TJP1: variants seen among roughly 807,000 people sequenced by gnomAD.
TJP1 encodes the protein tight junction protein 1.
In TJP1, 43 loss-of-function variants were observed where a neutral mutation model predicts 194.2. The ratio of observed to expected loss-of-function variants is 0.22; its 90% CI spans 0.17 to 0.29. The LOEUF is 0.29. TJP1 is among the 10% of genes least tolerant of loss of function. The pLI is 1.00. For synonymous variants in TJP1, 801 were observed against 779.0 expected, an observed-to-expected ratio of 1.03 and a Z score of -0.47; for missense variants, 1,971 against 2,185.7, an observed-to-expected ratio of 0.90 and a Z score of 1.96.
intron 25 of TJP1, among the ~76,000 whole-genome samples, chr15:29,706,652 C>T (rs534548325): frequency 1.4e-4 from 22 of 152,052 alleles, no homozygotes; most frequent in African/African-American, 5.1e-4. Context: ...AATTGGTAGC[C>T]CTGTTCTTCC....
rs919284817 is a variant in TJP1 at position 29,719,260 on chromosome 15, T to C, written c.3004-122A>G. The C allele has an allele frequency of 2.4e-5, 28 of 1,190,448 alleles. 1 individual carries two copies. The Admixed American group carries it at 7.4e-4, about 32-fold the overall frequency. 73.7% of individuals were successfully genotyped at this position (1,190,448 alleles called of 1,614,324 possible). On this transcript the variant is annotated intron_variant, in intron 20 of 27. Coordinates refer to ENST00000614355, the MANE Select transcript of TJP1 (RefSeq NM_001330239.4). ...TGAAAATGGTATGTTTTACCATTTA[T>C]TATCAGGATAGACAAGATTAGTGGA...
chr15:29,793,180 T>C (rs2048201648), intron 2 of TJP1, among the ~76,000 whole-genome samples: 1 of 152,230 alleles, frequency 6.6e-6, no homozygotes, highest in Non-Finnish European at 1.5e-5. Flanking sequence ...TTCCTTGCCT[T>C]CTTCCAGATC....
At chr15:29,798,847 G>A (rs2048588331) in intron 2 of TJP1, among the ~76,000 whole-genome samples, 1 of 152,130 alleles carries the variant, frequency 6.6e-6, no homozygotes, top group Non-Finnish European at 1.5e-5. Flanking sequence ...TACTGATAGA[G>A]TAACATCATG....
At chr15:29,823,107 C>T (rs1421484804), upstream of TJP1, 1 of 152,290 alleles carries the variant, frequency 6.6e-6, no homozygotes, top group Admixed American at 6.5e-5. Context: ...GGCCCACACC[C>T]CACATTAGAC....
Position 29,766,465 on chromosome 15 carries a change from A to G in TJP1, c.390T>C (p.Asp130=). 6.2e-7 allele frequency: 1 copy of G among 1,613,256 alleles called. No homozygotes were observed. Among genetic ancestry groups the G allele is most frequent in the Non-Finnish European group, 8.5e-7 (1 of 1,179,560 alleles). Residue 130 remains aspartate (D), a synonymous_variant, in exon 5 of 28, where the codon GAT becomes GAC. Transcript: ENST00000614355. ...GATCATGTATTTCCTCATCATAACT[A>G]TCTTCTTCATTATCAGATACTGGTT... ...DPEPVSDNEE[D]SYDEEIHDPR...
rs2042082038 is a variant in TJP1 at position 29,709,051 on chromosome 15, TA to T, written c.4373-16del. On this transcript the variant is annotated splice_polypyrimidine_tract_variant and intron_variant, in intron 24 of 27. Coordinates refer to ENST00000614355, the MANE Select transcript of TJP1 (RefSeq NM_001330239.4). ...CACTGAATTACCTGAAAAACAAACG[TA>T]AGCATTTAAATAACTTTCTGAAAAA... 2 of 1,593,542 alleles carry T rather than the reference TA, an allele frequency of 1.3e-6. No homozygotes were observed. Among genetic ancestry groups the T allele is most frequent in the East Asian group, 4.5e-5 (2 of 44,628 alleles).
chr15:29,932,099 GTC>G (rs1161793345), intron 2 of TJP1, among the ~76,000 whole-genome samples: 1 of 152,150 alleles, frequency 6.6e-6, no homozygotes, highest in Non-Finnish European at 1.5e-5. Context: ...ATCTTGTGCT[GTC>G]TCCTGTCTCA....
intron 2 of TJP1, among the ~76,000 whole-genome samples, chr15:29,879,803 C>G (rs530596531): frequency 6.6e-6 from 1 of 152,138 alleles, no homozygotes; most frequent in Non-Finnish European, 1.5e-5. Context: ...CCTCCACCTC[C>G]CAGGCTCAGG....
chr15:29,877,565 C>CTCTT (rs776360873), intron 2 of TJP1, among the ~76,000 whole-genome samples: 21 of 151,636 alleles, frequency 1.4e-4, no homozygotes, highest in Admixed American at 6.6e-4. Context: ...CTTTCTTTTT[C>CTCTT]TCTTTCTTTC....
rs552676480 is a variant in TJP1 at position 29,812,828 on chromosome 15, A to G, written c.27+9174T>C. On this transcript the variant is annotated intron_variant, in intron 1 of 27. Coordinates refer to ENST00000614355, the MANE Select transcript of TJP1 (RefSeq NM_001330239.4). The stretch of plus-strand genomic sequence containing the variant: ...ATCTGTCACAGAGTCAGCATGCAAT[A>G]TAAGGGGCTACTGTTTGTTTTGACA... Among the ~76,000 whole-genome samples the G allele has an allele frequency of 2.6e-5, 4 of 152,324 alleles. No homozygotes were observed. In the East Asian group the frequency reaches 7.7e-4, roughly 29 times the overall value.
chr15:29,890,772 T>A (rs1596193954), intron 2 of TJP1, among the ~76,000 whole-genome samples: 1 of 151,324 alleles, frequency 6.6e-6, no homozygotes, highest in South Asian at 2.1e-4. Context: ...GGAAAGGTAA[T>A]CTTATTTCAC....
At chr15:29,840,637 A>G (rs1264483411) in intron 2 of TJP1, among the ~76,000 whole-genome samples, 8 of 152,088 alleles carry the variant, frequency 5.3e-5, no homozygotes, top group Non-Finnish European at 2.9e-5. Flanking sequence ...ACGCCTCCTG[A>G]GGCCAGGCAG....
intron 2 of TJP1, among the ~76,000 whole-genome samples, chr15:29,890,587 T>C (rs566833323): frequency 6.6e-6 from 1 of 151,798 alleles, no homozygotes; most frequent in African/African-American, 2.4e-5. Flanking sequence ...AATGTTCTGG[T>C]AAATATGGCC....
chr15:29,879,291 G>A (rs1435447900), intron 2 of TJP1, among the ~76,000 whole-genome samples: 3 of 152,144 alleles, frequency 2.0e-5, no homozygotes, highest in African/African-American at 4.8e-5. Flanking sequence ...AACGCCATGC[G>A]GTCTTGAGGC....
intron 2 of TJP1, among the ~76,000 whole-genome samples, chr15:29,774,345 A>T (rs1177327695): frequency 3.3e-5 from 5 of 152,190 alleles, no homozygotes; most frequent in Admixed American, 3.3e-4. Flanking sequence ...AAATGAATAA[A>T]TACCAACTAT....
chr15:29,772,643 A>G (rs2046765776), intron 3 of TJP1, among the ~76,000 whole-genome samples: 1 of 152,164 alleles, frequency 6.6e-6, no homozygotes, highest in Non-Finnish European at 1.5e-5. Context: ...CTTGGGGAGG[A>G]GGCTTCTGAA....
In TJP1 at chr15:29,862,466, A is replaced by C. The variant is rs550378824; in HGVS notation, c.307-61764T>G. Reference sequence around the variant, plus strand: ...GATCATTCTAGGCAAAACAAACAAAAAAAAACCCCTCGTATACAAAAGCCT... The same window carrying C: ...GATCATTCTAGGCAAAACAAACAAACAAAAACCCCTCGTATACAAAAGCCT... On this transcript the variant is annotated intron_variant, in intron 2 of 28. Transcript: ENST00000356107. Among the ~76,000 whole-genome samples the C allele has an allele frequency of 6.4e-4, 98 of 152,044 alleles. 2 individuals are homozygous for C. The highest frequency in any genetic ancestry group is 2.2e-3 in the African/African-American group (93 of 41,486).
At chr15:29,799,931 TC>T (rs1296183290) in intron 2 of TJP1, among the ~76,000 whole-genome samples, 1 of 152,142 alleles carries the variant, frequency 6.6e-6, no homozygotes, top group Non-Finnish European at 1.5e-5. Flanking sequence ...AAGGGAGTAA[TC>T]AGTAGATTCA....
chr15:29,867,854 C>T (rs1245872929), intron 2 of TJP1, among the ~76,000 whole-genome samples: 2 of 151,938 alleles, frequency 1.3e-5, no homozygotes, highest in African/African-American at 4.8e-5. Flanking sequence ...CCAGGAGTTC[C>T]AGACCAGCCT....
Sources: allele counts gnomAD v4.1 joint callset (sites outside exome capture counted in the v4.1 genomes callset), GRCh38; gene constraint gnomAD v4.1.1; transcripts MANE v1.5; gene names NCBI Gene and HGNC (gene_info 2026-07-23, HGNC 2026-07-21).